APAF1: variants seen among roughly 807,000 people sequenced by gnomAD.
APAF1 encodes the protein apoptotic peptidase activating factor 1.
Under a neutral mutation model 152.4 loss-of-function variants are expected in APAF1, and 91 were observed. That is an observed-to-expected ratio of 0.60 (90% confidence interval 0.50 to 0.71). The LOEUF is 0.71. Ranked by LOEUF, APAF1 falls within the 30% of genes least tolerant of loss-of-function variation. The pLI is 0.00. For synonymous variants in APAF1, 484 were observed against 494.1 expected (o/e 0.98, Z 0.27); for missense variants, 1,283 against 1,472.0 (o/e 0.87, Z 2.10).
chr12:98,715,540 T>C lies in APAF1; in HGVS notation c.3072T>C (p.Asp1024=). The change falls in exon 22 of 27, where the codon GAT becomes GAC. Residue 1024 remains aspartate (D), a synonymous_variant. Coordinates refer to ENST00000551964, the MANE Select transcript of APAF1 (RefSeq NM_181861.2). Reference sequence around the variant, plus strand: ...AGACTCTTATTTCAAGTTCTGATGATGCTGAAATTCAGGTGAGAGGGAGGA... The same window carrying C: ...AGACTCTTATTTCAAGTTCTGATGACGCTGAAATTCAGGTGAGAGGGAGGA... ...DEKTLISSSD[D]AEIQVWNWQL... 1.2e-6 allele frequency: 2 copies of C among 1,613,674 alleles called. No homozygotes were observed. Among genetic ancestry groups the C allele is most frequent in the Non-Finnish European group, 1.7e-6 (2 of 1,179,744 alleles).
intron 10 of APAF1, among the ~76,000 whole-genome samples, chr12:98,669,997 T>C (rs1483814138): frequency 6.6e-6 from 1 of 151,278 alleles, no homozygotes; most frequent in African/African-American, 2.4e-5. Flanking sequence ...TGGAGTATAG[T>C]GGCATGATTT....
chr12:98,688,496 G>A (rs1449715102), intron 16 of APAF1, among the ~76,000 whole-genome samples: 2 of 135,978 alleles, frequency 1.5e-5, no homozygotes, highest in Non-Finnish European at 3.1e-5. Flanking sequence ...TTTGGAGACA[G>A]AGTCTCACTC....
intron 26 of APAF1, among the ~76,000 whole-genome samples, chr12:98,731,933 C>T (rs1019986452): frequency 5.3e-5 from 8 of 152,156 alleles, no homozygotes; most frequent in African/African-American, 1.9e-4. Flanking sequence ...AGGGCTCTTG[C>T]ATCACACCTG....
At chr12:98,720,556 G>C (rs1455576911) in intron 22 of APAF1, among the ~76,000 whole-genome samples, 1 of 152,206 alleles carries the variant, frequency 6.6e-6, no homozygotes, top group Non-Finnish European at 1.5e-5. Context: ...TTAGGATTGT[G>C]AACATTGAGG....
Position 98,680,334 on chromosome 12 carries a change from G to A in APAF1, c.1978G>A (p.Val660Met), listed in dbSNP as rs2153323811. Residue 660 changes from valine (V) to methionine (M), a missense_variant, in exon 14 of 27, where the codon GTG (valine) becomes ATG (methionine). By Grantham distance (21) the Val-to-Met change is conservative. Transcript: ENST00000551964. ...LLEIKAHEDE[V>M]LCCAFSTDDR... The stretch of plus-strand genomic sequence containing the variant: ...AGAAATCAAGGCTCATGAGGATGAA[G>A]TGCTTTGTTGTGCATTCTCTACAGA... 1 of 1,613,544 alleles carries A rather than the reference G, an allele frequency of 6.2e-7. No homozygotes were observed. Among genetic ancestry groups the A allele is most frequent in the East Asian group, 2.2e-5 (1 of 44,862 alleles).
chr12:98,685,851 G>T (rs904325054), intron 15 of APAF1, among the ~76,000 whole-genome samples: 3 of 151,956 alleles, frequency 2.0e-5, no homozygotes, highest in Admixed American at 6.6e-5. Flanking sequence ...TGGTCAGGCT[G>T]GTCTTGAACT....
At chr12:98,732,345 A>G (rs2097763660) in intron 26 of APAF1, 75 bp from the exon 27 acceptor site, 1 of 1,354,724 alleles carries the variant, frequency 7.4e-7, no homozygotes, top group Admixed American at 1.7e-5. Context: ...GATAGGGTAA[A>G]GGATCTGCTG....
chr12:98,677,840 C>T (rs1428540942), intron 13 of APAF1, among the ~76,000 whole-genome samples: 3 of 152,120 alleles, frequency 2.0e-5, no homozygotes, highest in Admixed American at 6.5e-5. Flanking sequence ...TGTTAGAAGA[C>T]GTAGGGCTTC....
intron 14 of APAF1, among the ~76,000 whole-genome samples, chr12:98,682,662 C>T (rs776282437): frequency 2.0e-5 from 3 of 152,140 alleles, no homozygotes; most frequent in Non-Finnish European, 2.9e-5. Flanking sequence ...TTCATTATCT[C>T]ATTTGATATC....
At chr12:98,670,430 T>C (rs1310229824) in intron 10 of APAF1, among the ~76,000 whole-genome samples, 1 of 152,142 alleles carries the variant, frequency 6.6e-6, no homozygotes, top group Non-Finnish European at 1.5e-5. Context: ...TGACGTGTTT[T>C]TCTTTTTCTT....
At chr12:98,688,668 G>T (rs28661533) in intron 16 of APAF1, among the ~76,000 whole-genome samples, 1 of 146,282 alleles carries the variant, frequency 6.8e-6, no homozygotes, top group African/African-American at 2.5e-5. Flanking sequence ...TTTAGAGATA[G>T]GATCTTACTA....
chr12:98,697,412 A>T (rs1479949898), intron 16 of APAF1, among the ~76,000 whole-genome samples: 1 of 152,190 alleles, frequency 6.6e-6, no homozygotes, highest in Admixed American at 6.5e-5. Context: ...TGATTCATTT[A>T]TATAGTCTCA....
chr12:98,664,597 G>A (rs186236712), intron 7 of APAF1, among the ~76,000 whole-genome samples: 8 of 152,086 alleles, frequency 5.3e-5, no homozygotes, highest in African/African-American at 1.7e-4. Context: ...AGTGCAGTAA[G>A]ATCACAGCTC....
chr12:98,666,167 T>G, intron 8 of APAF1, 23 bp from the exon 9 acceptor site: 1 of 1,611,114 alleles, frequency 6.2e-7, no homozygotes, highest in Non-Finnish European at 8.5e-7. Flanking sequence ...TGTGGCATAT[T>G]AAATACTTAC....
intron 22 of APAF1, among the ~76,000 whole-genome samples, chr12:98,717,602 T>C (rs143765428): frequency 6.6e-6 from 1 of 151,998 alleles, no homozygotes; most frequent in African/African-American, 2.4e-5. Context: ...TCTTGAACTC[T>C]GGACCTCAGG....
rs2097694486 is a variant in APAF1, at chr12:98,683,346, A to G, written c.2178+72A>G. ...TCAGAGTATCTCCTTTGATTTTCTT[A>G]TGTATACTACTATTAGGACTTTCTG... On this transcript the variant is annotated intron_variant, in intron 15 of 26. Transcript: ENST00000551964. 2.8e-6 allele frequency: 4 copies of G among 1,434,734 alleles called. No individual in the cohort carries two copies. The Admixed American group carries it at 5.0e-5, about 18-fold the overall frequency. The allele number at this position is 1,434,734 out of a possible 1,614,324, so 88.9% of individuals were successfully genotyped here. A position where few individuals can be genotyped will look rare whatever the true frequency, so the allele number is the denominator to read the frequency against.
At position 98,699,718 on chromosome 12, in the gene APAF1, C is replaced by A. The variant is rs75854369; in HGVS notation, c.2466+149C>A. On this transcript the variant is annotated intron_variant, in intron 17 of 26. Coordinates refer to ENST00000551964, the MANE Select transcript of APAF1 (RefSeq NM_181861.2). ...CCTAACCTGTCATGGTTCTTTGGAACTGTGCTCCGTGAGATAAGGATGGCC... is the reference window on the plus strand; with the variant it reads ...CCTAACCTGTCATGGTTCTTTGGAAATGTGCTCCGTGAGATAAGGATGGCC... 1.2e-3 allele frequency: 1,014 copies of A among 851,124 alleles called. 5 individuals are homozygous for A. The African/African-American group carries it at 0.014, about 12-fold the overall frequency. 52.7% of individuals were successfully genotyped at this position (851,124 alleles called of 1,614,324 possible).
rs890491538 is a variant in APAF1 at position 98,734,490 on chromosome 12, A to C, written c.*1924A>C. 1.3e-5 allele frequency: 2 copies of C among 152,544 alleles called. No individual in the cohort carries two copies. Among genetic ancestry groups the C allele is most frequent in the African/African-American group, 4.8e-5 (2 of 41,448 alleles). The allele number at this position is 152,544 out of a possible 1,614,324, so 9.4% of individuals were successfully genotyped here. On this transcript the variant is annotated 3_prime_UTR_variant, in exon 27 of 27. Coordinates refer to ENST00000551964, the MANE Select transcript of APAF1 (RefSeq NM_181861.2). ...TGTTTCTGTAACTGGAACTAAATCA[A>C]ATGATTACTAGTGTTAATAGTAGAT...
chr12:98,684,600 A>G (rs1258436035), intron 15 of APAF1, among the ~76,000 whole-genome samples: 1 of 146,006 alleles, frequency 6.8e-6, no homozygotes, highest in Non-Finnish European at 1.5e-5. Flanking sequence ...ATAGAATCCC[A>G]AGGACCCTGC....
Sources: allele counts gnomAD v4.1 joint callset (sites outside exome capture counted in the v4.1 genomes callset), GRCh38; gene constraint gnomAD v4.1.1; transcripts MANE v1.5; gene names NCBI Gene and HGNC (gene_info 2026-07-23, HGNC 2026-07-21).